Variants in TMEM178B observed in about 807,000 individuals in gnomAD.
TMEM178B encodes transmembrane protein 178B.
TMEM178B carries 5 observed loss-of-function variants against 31.0 expected under a neutral mutation model. The ratio of observed to expected loss-of-function variants is 0.16; its 90% CI spans 0.08 to 0.34. TMEM178B has a LOEUF of 0.34. TMEM178B is among the 10% of genes least tolerant of loss of function. TMEM178B has a pLI of 1.00. For synonymous variants in TMEM178B, 164 were observed against 164.0 expected (o/e 1.00, Z 0.00); for missense variants, 275 against 400.3 (o/e 0.69, Z 2.67).
At chr7:141,412,614 G>T (rs888430972) in intron 2 of TMEM178B, among the ~76,000 whole-genome samples, 2 of 152,214 alleles carry the variant, frequency 1.3e-5, no homozygotes, top group African/African-American at 4.8e-5. Context: ...TGAACCATTT[G>T]CTAGAGAGTA....
intron 1 of TMEM178B, among the ~76,000 whole-genome samples, chr7:141,091,233 T>C (rs1271662115): frequency 5.3e-5 from 8 of 152,174 alleles, no homozygotes; most frequent in Admixed American, 2.0e-4. Context: ...TCTGTTAAAT[T>C]TGTGGTTTGA....
intron 1 of TMEM178B, among the ~76,000 whole-genome samples, chr7:141,103,903 G>T (rs772482553): frequency 2.6e-5 from 4 of 152,130 alleles, no homozygotes; most frequent in Non-Finnish European, 4.4e-5. Flanking sequence ...AGGGTTGATT[G>T]GATTCAGGAT....
intron 2 of TMEM178B, among the ~76,000 whole-genome samples, chr7:141,340,262 C>T (rs1010035426): frequency 6.6e-6 from 1 of 152,166 alleles, no homozygotes; most frequent in Non-Finnish European, 1.5e-5. Flanking sequence ...GGATTTCAGT[C>T]CAGTGAAACC....
chr7:141,320,300 AG>A (rs760520298), intron 2 of TMEM178B, among the ~76,000 whole-genome samples: 4 of 152,170 alleles, frequency 2.6e-5, no homozygotes, highest in Non-Finnish European at 4.4e-5. Context: ...AAACTAATAC[AG>A]TGGTGATTAC....
intron 2 of TMEM178B, among the ~76,000 whole-genome samples, chr7:141,215,838 CT>C (rs59772944): frequency 0.11 from 6,225 of 57,650 alleles, 165 homozygotes; most frequent in Non-Finnish European, 0.16. Context: ...TTCTTTCTTT[CT>C]TTTCTTTTCT....
intron 1 of TMEM178B, among the ~76,000 whole-genome samples, chr7:141,156,653 G>T (rs918949353): frequency 5.9e-5 from 9 of 152,234 alleles, no homozygotes; most frequent in African/African-American, 2.2e-4. Context: ...AATTATGGAG[G>T]GATTATCCAG....
intron 2 of TMEM178B, among the ~76,000 whole-genome samples, chr7:141,234,005 G>A (rs1410382759): frequency 3.3e-5 from 5 of 152,150 alleles, no homozygotes. Flanking sequence ...TCAGGCATGG[G>A]GAGTTGGTCC....
chr7:141,429,547 T>C (rs1801384690), intron 2 of TMEM178B, among the ~76,000 whole-genome samples: 1 of 152,114 alleles, frequency 6.6e-6, no homozygotes, highest in East Asian at 1.9e-4. Flanking sequence ...GGTTAGAGGT[T>C]AGGAGGGTAT....
In TMEM178B at chr7:141,461,283, G is replaced by A. The variant is rs1334593645; in HGVS notation, c.635-9253G>A. On this transcript the variant is annotated intron_variant, in intron 3 of 3. Coordinates refer to ENST00000565468, the MANE Select transcript of TMEM178B (RefSeq NM_001195278.2). This position sits in a 1 kb window ranked among gnomAD's most constrained non-coding sequence, Gnocchi z 4.0. The stretch of plus-strand genomic sequence containing the variant: ...AGCCTGCCTTGCAGCGACCTGTAGG[G>A]CTCCAGTCAGAACATAGGCCCTCTC... Among the ~76,000 whole-genome samples the A allele has an allele frequency of 6.6e-6, 1 of 152,166 alleles. No individual in the cohort carries two copies. The highest frequency in any genetic ancestry group is 1.5e-5 in the Non-Finnish European group (1 of 68,022).
intron 2 of TMEM178B, among the ~76,000 whole-genome samples, chr7:141,372,456 C>G (rs1219745929): frequency 1.3e-5 from 2 of 152,124 alleles, no homozygotes. Context: ...GGTCTTTACT[C>G]AAATGTTACC....
intron 1 of TMEM178B, among the ~76,000 whole-genome samples, chr7:141,165,638 C>T (rs1056636049): frequency 3.3e-5 from 5 of 152,206 alleles, no homozygotes; most frequent in African/African-American, 1.2e-4. Flanking sequence ...CCTCCTGGAA[C>T]CCCCTCCTTT....
chr7:141,329,580 T>G (rs987178893), intron 2 of TMEM178B, among the ~76,000 whole-genome samples: 1 of 152,372 alleles, frequency 6.6e-6, no homozygotes, highest in Middle Eastern at 3.4e-3. Flanking sequence ...GTTCTTGGTG[T>G]TTTTGTTCAA....
rs574673443 is a variant in TMEM178B at position 141,188,103 on chromosome 7, T to C, written c.383-24488T>C. Among the ~76,000 whole-genome samples the C allele has an allele frequency of 1.4e-4, 22 of 152,352 alleles. No homozygotes were observed. The East Asian group carries it at 4.0e-3, about 28-fold the overall frequency. On this transcript the variant is annotated intron_variant, in intron 1 of 3. Coordinates refer to ENST00000565468, the MANE Select transcript of TMEM178B (RefSeq NM_001195278.2). ...CTAACATTTAAGTCTTTAATCCATC[T>C]TGAATTAATTTTTGTATAAGGTGTA... is the stretch of plus-strand genomic sequence containing the variant.
intron 2 of TMEM178B, among the ~76,000 whole-genome samples, chr7:141,372,099 C>T (rs1328884854): frequency 6.6e-6 from 1 of 152,164 alleles, no homozygotes; most frequent in African/African-American, 2.4e-5. Flanking sequence ...AGTTGCTCTA[C>T]TTCGTTTCCC....
chr7:141,498,337 G>T, the TMEM178B span, among the ~76,000 whole-genome samples: 1 of 152,204 alleles, frequency 6.6e-6, no homozygotes, highest in Non-Finnish European at 1.5e-5. Context: ...GTCTTCTCAG[G>T]ATAGCAGCTT....
rs1314035837 is a variant in TMEM178B at position 141,472,298 on chromosome 7, C to T, written c.*1512C>T. 6.6e-6 allele frequency: 1 copy of T among 152,206 alleles called. No homozygotes were observed. Among genetic ancestry groups the T allele is most frequent in the Admixed American group, 6.5e-5 (1 of 15,292 alleles). 9.4% of individuals were successfully genotyped at this position (152,206 alleles called of 1,614,324 possible). On this transcript the variant is annotated 3_prime_UTR_variant, in exon 4 of 4. Coordinates refer to ENST00000565468, the MANE Select transcript of TMEM178B (RefSeq NM_001195278.2). The stretch of plus-strand genomic sequence containing the variant: ...AACTCTTGACTCTTTCCATCCTCTT[C>T]CTTTCCCTCTTGATATTCAAGGCCA...
At chr7:141,084,421 T>A (rs1165781173) in intron 1 of TMEM178B, among the ~76,000 whole-genome samples, 1 of 152,210 alleles carries the variant, frequency 6.6e-6, no homozygotes, top group African/African-American at 2.4e-5. Flanking sequence ...TGAAAGATTT[T>A]GAGTGAAATC....
intron 2 of TMEM178B, among the ~76,000 whole-genome samples, chr7:141,358,385 T>A (rs1799858621): frequency 1.3e-5 from 2 of 152,144 alleles, no homozygotes; most frequent in South Asian, 4.1e-4. Context: ...CCCACACAGT[T>A]TCATCTACAA....
chr7:141,406,475 A>G lies in TMEM178B; in HGVS notation c.497-31133A>G, dbSNP rs79017152. The stretch of plus-strand genomic sequence containing the variant: ...CCTAAGGACTTCTAACAGGACAAAC[A>G]ACTACTAATTCAGCCCCACATCACT... On this transcript the variant is annotated intron_variant, in intron 2 of 3. Transcript: ENST00000565468. Among the ~76,000 whole-genome samples the G allele has an allele frequency of 5.1e-3, 779 of 152,346 alleles. 18 individuals are homozygous for G. Among genetic ancestry groups the G allele is most frequent in the Admixed American group, 0.038 (579 of 15,296 alleles).
Sources: allele counts gnomAD v4.1 joint callset (sites outside exome capture counted in the v4.1 genomes callset), GRCh38; gene constraint gnomAD v4.1.1; non-coding constraint Gnocchi (gnomAD v3.1); transcripts MANE v1.5; gene names NCBI Gene and HGNC (gene_info 2026-07-23, HGNC 2026-07-21).